OPCML: variants seen among roughly 807,000 people sequenced by gnomAD.
The protein encoded by OPCML is opioid binding protein/cell adhesion molecule like, also known as opioid-binding protein/cell adhesion molecule.
A neutral mutation model predicts 37.8 loss-of-function variants in OPCML; 13 were observed. That is an observed-to-expected ratio of 0.34 (90% CI 0.22 to 0.55). The LOEUF is 0.55. Ranked by LOEUF, OPCML falls within the 20% of genes least tolerant of loss-of-function variation. The pLI, the probability that OPCML is intolerant of heterozygous loss-of-function variation, is 0.91. For synonymous variants in OPCML, 176 were observed against 168.8 expected (o/e 1.04, Z -0.33); for missense variants, 341 against 435.6 (o/e 0.78, Z 1.93).
intron 4 of OPCML, among the ~76,000 whole-genome samples, chr11:132,459,517 A>C (rs993306171): frequency 6.7e-6 from 1 of 148,410 alleles, no homozygotes; most frequent in Non-Finnish European, 1.5e-5. Flanking sequence ...GAATATATAT[A>C]TATATATACA....
chr11:132,552,597 T>C (rs1268144080), intron 3 of OPCML, among the ~76,000 whole-genome samples: 1 of 152,144 alleles, frequency 6.6e-6, no homozygotes, highest in African/African-American at 2.4e-5. Context: ...ACCTTCAGTA[T>C]TCCTAAACTT....
intron 1 of OPCML, among the ~76,000 whole-genome samples, chr11:133,369,919 A>G (rs1944635678): frequency 6.6e-6 from 1 of 152,216 alleles, no homozygotes; most frequent in Non-Finnish European, 1.5e-5. Flanking sequence ...ATATTTGCAT[A>G]TACCTAATGT....
intron 4 of OPCML, among the ~76,000 whole-genome samples, chr11:132,519,180 G>A (rs1159554494): frequency 6.6e-6 from 1 of 152,146 alleles, no homozygotes; most frequent in Non-Finnish European, 1.5e-5. Flanking sequence ...TGTAAGATGT[G>A]TTAATTCACC....
At chr11:133,110,137 G>A (rs1485810158) in intron 1 of OPCML, among the ~76,000 whole-genome samples, 1 of 152,160 alleles carries the variant, frequency 6.6e-6, no homozygotes, top group Non-Finnish European at 1.5e-5. Context: ...GTCCACTGTG[G>A]TAAGGTTGAA....
intron 1 of OPCML, among the ~76,000 whole-genome samples, chr11:133,381,705 A>G (rs2136782407): frequency 6.6e-6 from 1 of 152,326 alleles, no homozygotes; most frequent in African/African-American, 2.4e-5. Context: ...ACGAGTCAGA[A>G]ATGGGCAATG....
chr11:132,639,208 G>C (rs915914359), intron 3 of OPCML, among the ~76,000 whole-genome samples: 1 of 152,232 alleles, frequency 6.6e-6, no homozygotes, highest in Non-Finnish European at 1.5e-5. Flanking sequence ...CGGGTGGTCT[G>C]AAAGCTCCTT....
At chr11:132,886,692 G>A (rs2136446583) in intron 2 of OPCML, among the ~76,000 whole-genome samples, 1 of 152,328 alleles carries the variant, frequency 6.6e-6, no homozygotes, top group East Asian at 1.9e-4. Flanking sequence ...CAGGAAAAGG[G>A]GGCCCAGACT....
chr11:132,862,605 T>C (rs992692250), intron 2 of OPCML, among the ~76,000 whole-genome samples: 1 of 152,132 alleles, frequency 6.6e-6, no homozygotes, highest in Admixed American at 6.5e-5. Context: ...CCATTGCTTG[T>C]GGCCCAGCAT....
At chr11:133,204,864 A>ATATG (rs1555114176) in intron 1 of OPCML, among the ~76,000 whole-genome samples, 11 of 69,804 alleles carry the variant, frequency 1.6e-4, no homozygotes, top group African/African-American at 4.3e-4. Context: ...ATATATATAT[A>ATATG]TGTGTATATA....
At chr11:133,435,798 G>A (rs1229901376) in intron 1 of OPCML, among the ~76,000 whole-genome samples, 2 of 152,130 alleles carry the variant, frequency 1.3e-5, no homozygotes, top group Non-Finnish European at 2.9e-5. Context: ...TTCATGCCCC[G>A]TGAAGAGGAT....
chr11:132,640,014 C>T (rs769364036), intron 3 of OPCML, among the ~76,000 whole-genome samples: 2 of 152,178 alleles, frequency 1.3e-5, no homozygotes, highest in Non-Finnish European at 2.9e-5. Context: ...CCCTTCCTAA[C>T]GTTAGAGAAG....
intron 2 of OPCML, among the ~76,000 whole-genome samples, chr11:132,727,817 T>C (rs1470958622): frequency 2.0e-5 from 3 of 152,124 alleles, no homozygotes; most frequent in Non-Finnish European, 4.4e-5. Context: ...TTCTAAAAAA[T>C]TTCACCCTTA....
intron 2 of OPCML, among the ~76,000 whole-genome samples, chr11:132,909,759 G>A (rs1015160341): frequency 2.0e-5 from 3 of 152,154 alleles, no homozygotes; most frequent in African/African-American, 4.8e-5. Flanking sequence ...GGCAGCCACC[G>A]GCCTCTTCTT....
At chr11:133,098,067 G>A (rs908338579) in intron 1 of OPCML, among the ~76,000 whole-genome samples, 1 of 152,020 alleles carries the variant, frequency 6.6e-6, no homozygotes, top group Admixed American at 6.6e-5. Flanking sequence ...ATACTACAAG[G>A]AAAGAAAACT....
rs144302263 is a variant in OPCML, at chr11:133,506,629, A to G, written c.61+25635T>C. ...GATCCTGGGAGAACAGTGTGGGAACACTGGCCGGCAGAAGAAACAATGAGG... is the reference window on the plus strand; with the variant it reads ...GATCCTGGGAGAACAGTGTGGGAACGCTGGCCGGCAGAAGAAACAATGAGG... On this transcript the variant is annotated intron_variant, in intron 1 of 7. Coordinates refer to ENST00000524381, the MANE Select transcript of OPCML (RefSeq NM_001012393.5). Among the ~76,000 whole-genome samples the G allele has an allele frequency of 2.3e-3, 349 of 152,354 alleles. 2 individuals are homozygous for G. Among genetic ancestry groups the G allele is most frequent in the African/African-American group, 7.9e-3 (329 of 41,592 alleles).
At chr11:132,447,624 T>C (rs2096058895) in intron 4 of OPCML, among the ~76,000 whole-genome samples, 1 of 152,206 alleles carries the variant, frequency 6.6e-6, no homozygotes, top group Non-Finnish European at 1.5e-5. Flanking sequence ...GTGTACTTTT[T>C]AACTGTCACC....
chr11:133,512,405 A>G (rs1948180027), intron 1 of OPCML, among the ~76,000 whole-genome samples: 1 of 152,228 alleles, frequency 6.6e-6, no homozygotes, highest in Non-Finnish European at 1.5e-5. Context: ...TATGGGGAAG[A>G]GGTACAGCCT....
chr11:132,765,727 A>G lies in OPCML; in HGVS notation c.147-108408T>C, dbSNP rs149464946. ...AAGAAGGAAAATATCCCAGAAATAG[A>G]TTTGGAAAAATATCTTGTGTCTCCC... On this transcript the variant is annotated intron_variant, in intron 2 of 7. Transcript: ENST00000524381. Among the ~76,000 whole-genome samples, 52 of 152,354 alleles carry G rather than the reference A, an allele frequency of 3.4e-4. 1 individual carries two copies. The East Asian group carries it at 8.9e-3, about 26-fold the overall frequency.
intron 1 of OPCML, among the ~76,000 whole-genome samples, chr11:133,119,317 T>C (rs1949385466): frequency 6.6e-6 from 1 of 152,134 alleles, no homozygotes. Flanking sequence ...GTATCTAGTA[T>C]ATAATATCTA....
Sources: allele counts gnomAD v4.1 joint callset (sites outside exome capture counted in the v4.1 genomes callset), GRCh38; gene constraint gnomAD v4.1.1; transcripts MANE v1.5; gene names NCBI Gene and HGNC (gene_info 2026-07-23, HGNC 2026-07-21).